DOCK8: variants seen among roughly 807,000 people sequenced by gnomAD.
DOCK8 encodes dedicator of cytokinesis 8, also known as dedicator of cytokinesis protein 8.
In DOCK8, 141 loss-of-function variants were observed where a neutral mutation model predicts 245.6. The ratio of observed to expected loss-of-function variants is 0.57; its 90% CI spans 0.50 to 0.66. The LOEUF (loss-of-function observed/expected upper bound fraction) is 0.66, where lower values mean the gene tolerates loss of function less well. DOCK8 is among the 30% of genes least tolerant of loss of function. The pLI, the probability that DOCK8 is intolerant of heterozygous loss-of-function variation, is 0.00. For missense variants in DOCK8, 2,965 were observed against 2,603.4 expected, an observed-to-expected ratio of 1.14 and a Z score of -3.02; for synonymous variants, 1,168 against 970.2, an observed-to-expected ratio of 1.20 and a Z score of -3.79.
chr9:396,204 G>C lies in DOCK8; in HGVS notation c.2971-581G>C, dbSNP rs575860980. ...TGTTTCCAGCTGGCCAACATTTCCT[G>C]CTCAATATATAATATAGCTAAAATT... On this transcript the variant is annotated intron_variant, in intron 24 of 47. Transcript: ENST00000432829. Among the ~76,000 whole-genome samples, 8 of 152,240 alleles carry C rather than the reference G, an allele frequency of 5.3e-5. No individual in the cohort carries two copies. The South Asian group carries it at 1.5e-3, about 28-fold the overall frequency.
chr9:364,995 G>A (rs1235707740), intron 14 of DOCK8, among the ~76,000 whole-genome samples: 2 of 152,174 alleles, frequency 1.3e-5, no homozygotes, highest in Admixed American at 6.5e-5. Flanking sequence ...GCCCTCTGGG[G>A]AACAGAAGGC....
chr9:369,765 C>G (rs1329478801), intron 15 of DOCK8: 1 of 201,508 alleles, frequency 5.0e-6, no homozygotes, highest in African/African-American at 2.4e-5. Context: ...ATAGCCAGTT[C>G]CTTTGCACTG....
At chr9:238,919 G>T (rs997175422) in intron 1 of DOCK8, among the ~76,000 whole-genome samples, 2 of 151,858 alleles carry the variant, frequency 1.3e-5, no homozygotes, top group African/African-American at 4.8e-5. Context: ...CCCTGGCCAG[G>T]ACGCCATCCT....
In DOCK8 at chr9:382,598, G is replaced by C. The variant is rs1266516155; in HGVS notation, c.2691G>C (p.Gln897His). 8 of 1,614,058 alleles carry C rather than the reference G, an allele frequency of 5.0e-6. No homozygotes were observed. The highest frequency in any genetic ancestry group is 5.9e-6 in the Non-Finnish European group (7 of 1,180,034). Residue 897 changes from glutamine (Q) to histidine (H), a missense_variant, in exon 22 of 48, where the codon CAG becomes CAC. Coordinates refer to ENST00000432829, the MANE Select transcript of DOCK8 (RefSeq NM_203447.4). ...SAAAVSSKLL[Q>H]ARVMSSSNPD... ...CTGCTGTGAGTTCAAAGCTGCTGCA[G>C]GCCCGGGTGATGAGCAGCAGTAACC...
chr9:236,683 T>C (rs2047256911), intron 1 of DOCK8, among the ~76,000 whole-genome samples: 1 of 152,136 alleles, frequency 6.6e-6, no homozygotes, highest in Non-Finnish European at 1.5e-5. Context: ...GAACAAACAA[T>C]CTCAAAATCT....
chr9:262,031 G>GAAAGAAAGAAAGAAAGAA (rs149265145), intron 1 of DOCK8, among the ~76,000 whole-genome samples: 2,150 of 146,312 alleles, frequency 0.015, 24 homozygotes, highest in Non-Finnish European at 0.022. Context: ...AAGAAAGAAA[G>GAAAGAAAGAAAGAAAGAA]AAAGACACCG....
At chr9:403,880 CTCTCTCTCTCTCTATA>C (rs1189912709) in intron 26 of DOCK8, among the ~76,000 whole-genome samples, 1 of 90,136 alleles carries the variant, frequency 1.1e-5, no homozygotes, top group East Asian at 3.4e-4. Context: ...CTCTCTCTCT[CTCTCTCTCTCTCTATA>C]TATATATATA....
intron 3 of DOCK8, among the ~76,000 whole-genome samples, chr9:287,561 G>C (rs1452000953): frequency 2.0e-5 from 3 of 152,100 alleles, no homozygotes; most frequent in Admixed American, 6.5e-5. Flanking sequence ...TTTCATCACA[G>C]TTTAAGGAGG....
chr9:390,677 T>C (rs969087158), intron 24 of DOCK8, 111 bp downstream of exon 24: 1 of 972,946 alleles, frequency 1.0e-6, no homozygotes, highest in African/African-American at 1.6e-5. Flanking sequence ...CCTGGGGTGG[T>C]TTCTTGAAAT....
intron 6 of DOCK8, 90 bp from the exon 7 acceptor site, chr9:316,953 G>A: frequency 9.9e-7 from 1 of 1,013,062 alleles, no homozygotes. Flanking sequence ...CTTGAGCCGT[G>A]GAGGGTAGCC....
chr9:399,267 T>TGCG lies in DOCK8; in HGVS notation c.3234+8_3234+9insGCG. 6.5e-7 allele frequency: 1 copy of TGCG among 1,534,484 alleles called. No individual in the cohort carries two copies. Among genetic ancestry groups the TGCG allele is most frequent in the Non-Finnish European group, 8.6e-7 (1 of 1,156,102 alleles). Reference sequence around the variant, plus strand: ...AGACATTATTGCAGCCAGGTGAGTGTCCCCCCCACCCCCACCCCCGAGCGA... The same window carrying TGCG: ...AGACATTATTGCAGCCAGGTGAGTGTGCGCCCCCCCACCCCCACCCCCGAGCGA... On this transcript the variant is annotated intron_variant, in intron 26 of 47. Transcript: ENST00000432829.
intron 20 of DOCK8, among the ~76,000 whole-genome samples, chr9:379,416 A>G (rs1285545190): frequency 1.3e-5 from 2 of 152,088 alleles, no homozygotes; most frequent in African/African-American, 2.4e-5. Context: ...GAGATTCTGC[A>G]TTTCTTAGTA....
At chr9:445,446 A>G (rs1177347251) in intron 43 of DOCK8, among the ~76,000 whole-genome samples, 1 of 152,178 alleles carries the variant, frequency 6.6e-6, no homozygotes, top group Non-Finnish European at 1.5e-5. Context: ...TTTAATGAGT[A>G]CTTATTCGCT....
chr9:427,497 A>C (rs1312915176), intron 34 of DOCK8, among the ~76,000 whole-genome samples: 1 of 152,190 alleles, frequency 6.6e-6, no homozygotes, highest in Non-Finnish European at 1.5e-5. Flanking sequence ...CTGTAGAAAA[A>C]TATAGCTTTG....
chr9:319,701 CTG>C (rs1226462620), intron 7 of DOCK8, among the ~76,000 whole-genome samples: 1 of 151,678 alleles, frequency 6.6e-6, no homozygotes, highest in Non-Finnish European at 1.5e-5. Flanking sequence ...GTAACTGTCT[CTG>C]TATTGCTTTT....
chr9:370,199 A>C (rs12156499), intron 15 of DOCK8, 31 bp from the exon 16 acceptor site: 1 of 1,583,656 alleles, frequency 6.3e-7, no homozygotes, highest in South Asian at 1.1e-5. Flanking sequence ...AATGTTACTG[A>C]TAATTTGATC....
At chr9:217,035 T>A (rs1369674481) in intron 1 of DOCK8, among the ~76,000 whole-genome samples, 2 of 152,160 alleles carry the variant, frequency 1.3e-5, no homozygotes, top group African/African-American at 4.8e-5. Context: ...CTTATGACTG[T>A]GGGGAGGATT....
rs925912774 is a variant in DOCK8 at position 396,790 on chromosome 9, A to C, written c.2976A>C (p.Lys992Asn). ...YAWFFFELLV[K>N]SMAQHVHNMD... ...TCCTCCATCCCCCTCCGCAGGTGAA[A>C]AGCATGGCCCAGCACGTACATAACA... Residue 992 changes from lysine to asparagine, a missense_variant, in exon 25 of 48, where the codon AAA becomes AAC. By Grantham distance (94) the Lys-to-Asn change is moderately conservative. Around this residue, in one of 3 missense-constraint regions of DOCK8, gnomAD observed 2,825 missense variants for 2,453.5 expected, o/e 1.15. Transcript: ENST00000432829. 3.1e-6 allele frequency: 5 copies of C among 1,613,966 alleles called. No individual in the cohort carries two copies. In the African/African-American group the frequency reaches 6.7e-5, roughly 22 times the overall value.
intron 28 of DOCK8, among the ~76,000 whole-genome samples, chr9:412,937 G>A (rs2055814060): frequency 6.6e-6 from 1 of 151,256 alleles, no homozygotes; most frequent in Admixed American, 6.6e-5. Flanking sequence ...AAATTCAAGG[G>A]ACCCAGTATA....
Sources: allele counts gnomAD v4.1 joint callset (sites outside exome capture counted in the v4.1 genomes callset), GRCh38; gene constraint gnomAD v4.1.1; regional missense constraint gnomAD v4.1.1; transcripts MANE v1.5; gene names NCBI Gene and HGNC (gene_info 2026-07-23, HGNC 2026-07-21).